Variants in TRIP12 observed in about 807,000 individuals in gnomAD.
TRIP12 encodes E3 ubiquitin-protein ligase TRIP12.
In TRIP12, 25 loss-of-function variants were observed where a neutral mutation model predicts 244.2. The ratio of observed to expected loss-of-function variants is 0.10; its 90% confidence interval spans 0.07 to 0.14. The LOEUF (loss-of-function observed/expected upper bound fraction) is 0.14. Among genes scored for constraint, TRIP12 ranks in the 10% least tolerant of loss-of-function variants. The pLI is 1.00. For synonymous variants in TRIP12, 905 were observed against 873.1 expected, an observed-to-expected ratio of 1.04 and a Z score of -0.64; for missense variants, 1,677 against 2,486.4, an observed-to-expected ratio of 0.67 and a Z score of 6.92.
At chr2:229,780,471 T>C (rs961059776) in intron 34 of TRIP12, among the ~76,000 whole-genome samples, 1 of 152,178 alleles carries the variant, frequency 6.6e-6, no homozygotes, top group Non-Finnish European at 1.5e-5. Flanking sequence ...GTTCGCGGCA[T>C]CCCTTTGCTA....
At chr2:229,772,675 G>C (rs1252758921) in intron 38 of TRIP12, among the ~76,000 whole-genome samples, 1 of 152,108 alleles carries the variant, frequency 6.6e-6, no homozygotes, top group African/African-American at 2.4e-5. Context: ...TGTTTGTCAG[G>C]CTGGTCTTGA....
At chr2:229,814,687 C>T (rs1284470247) in intron 11 of TRIP12, among the ~76,000 whole-genome samples, 2 of 152,036 alleles carry the variant, frequency 1.3e-5, no homozygotes, top group South Asian at 2.1e-4. Context: ...TTTTGTTGTG[C>T]GTTAAACAAA....
chr2:229,903,229 G>A (rs1330921840), intron 1 of TRIP12, among the ~76,000 whole-genome samples: 1 of 152,030 alleles, frequency 6.6e-6, no homozygotes, highest in Non-Finnish European at 1.5e-5. Flanking sequence ...AGAACCACTT[G>A]CTGCTTAGAA....
At chr2:229,911,065 G>A (rs538766544) in intron 1 of TRIP12, among the ~76,000 whole-genome samples, 1 of 152,298 alleles carries the variant, frequency 6.6e-6, no homozygotes, top group African/African-American at 2.4e-5. Context: ...GAAAATACAT[G>A]CTTCATATAA....
chr2:229,770,664 C>T (rs2033918562), intron 39 of TRIP12, among the ~76,000 whole-genome samples: 1 of 152,056 alleles, frequency 6.6e-6, no homozygotes, highest in East Asian at 1.9e-4. Context: ...TTGGCTGTGC[C>T]CCTACCCCAA....
intron 1 of TRIP12, among the ~76,000 whole-genome samples, chr2:229,907,909 A>T (rs531806575): frequency 6.6e-6 from 1 of 152,248 alleles, no homozygotes; most frequent in Non-Finnish European, 1.5e-5. Flanking sequence ...TTTAATCCTC[A>T]TAACAATCAG....
In TRIP12 at chr2:229,795,227, A is replaced by C. The variant is rs1217388208; in HGVS notation, c.3920T>G (p.Phe1307Cys). 7 of 1,614,064 alleles carry C rather than the reference A, an allele frequency of 4.3e-6. No individual in the cohort carries two copies. Among genetic ancestry groups the C allele is most frequent in the Non-Finnish European group, 5.9e-6 (7 of 1,179,962 alleles). ...MNNCLSQMEQ[F>C]PVKVHDFPSG... is the part of the protein sequence containing the mutation. ...AGGGAAATCATGTACTTTGACTGGA[A>C]ATTGTTCCATCTGGCTGAGGCAGTT... Residue 1307 changes from phenylalanine to cysteine, a missense_variant, in exon 26 of 42, where the codon TTT becomes TGT. Phe to Cys is a radical substitution (Grantham distance 205). Coordinates refer to ENST00000675903, the MANE Select transcript of TRIP12 (RefSeq NM_001348323.3).
At chr2:229,858,240 G>A (rs556538128) in intron 4 of TRIP12, among the ~76,000 whole-genome samples, 1 of 152,190 alleles carries the variant, frequency 6.6e-6, no homozygotes, top group South Asian at 2.1e-4. Flanking sequence ...GTGCACACTT[G>A]TAATCCCAGT....
rs189801022 is a variant in TRIP12, at chr2:229,911,763, G to C, written c.-50+10117C>G. Among the ~76,000 whole-genome samples the C allele has an allele frequency of 7.5e-4, 114 of 152,156 alleles. 1 individual carries two copies. The highest frequency in any genetic ancestry group is 2.6e-3 in the African/African-American group (107 of 41,508). On this transcript the variant is annotated intron_variant, in intron 1 of 41. Coordinates refer to ENST00000675903, the MANE Select transcript of TRIP12 (RefSeq NM_001348323.3). Reference sequence around the variant, plus strand: ...AAAGGGGTAACAACTCTACTATGCAGAGTGCAAAGCGAATATTTTATTAGA... The same window carrying C: ...AAAGGGGTAACAACTCTACTATGCACAGTGCAAAGCGAATATTTTATTAGA...
chr2:229,808,675 G>A (rs1192532440), intron 15 of TRIP12, among the ~76,000 whole-genome samples: 3 of 152,006 alleles, frequency 2.0e-5, no homozygotes, highest in Middle Eastern at 3.2e-3. Flanking sequence ...GAGAAGCATC[G>A]TACTTTGCAC....
At chr2:229,899,763 G>A (rs891796891) in intron 1 of TRIP12, among the ~76,000 whole-genome samples, 1 of 152,076 alleles carries the variant, frequency 6.6e-6, no homozygotes. Context: ...TAGAATGGGA[G>A]GCAAAAAGGG....
In TRIP12 at chr2:229,767,930, C is replaced by T. The variant is rs543800792; in HGVS notation, c.6008-180G>A. Among the ~76,000 whole-genome samples the T allele has an allele frequency of 2.7e-4, 41 of 152,300 alleles. No homozygotes were observed. The South Asian group carries it at 4.1e-3, about 15-fold the overall frequency. On this transcript the variant is annotated intron_variant, in intron 41 of 41. Transcript: ENST00000675903. ...TGCTTTAATTTATCATTTAAAAACT[C>T]GCTGTATAACATGGAGGCAACAGTT...
intron 9 of TRIP12, among the ~76,000 whole-genome samples, chr2:229,816,984 T>C (rs894660808): frequency 3.9e-5 from 6 of 152,206 alleles, no homozygotes; most frequent in Non-Finnish European, 8.8e-5. Context: ...ATGGAAATGA[T>C]AAAATTTGAT....
chr2:229,803,185 T>A (rs73099267), intron 20 of TRIP12, among the ~76,000 whole-genome samples: 5 of 152,236 alleles, frequency 3.3e-5, no homozygotes, highest in Admixed American at 3.3e-4. Flanking sequence ...CAGACTCTTA[T>A]TAAAAGACAA....
At chr2:229,920,823 G>A (rs1421413060) in intron 1 of TRIP12, among the ~76,000 whole-genome samples, 1 of 152,144 alleles carries the variant, frequency 6.6e-6, no homozygotes, top group Non-Finnish European at 1.5e-5. Flanking sequence ...AGGATTTGAG[G>A]TTTTACTACC....
Position 229,778,490 on chromosome 2 carries a change from C to G in TRIP12, c.5307G>C (p.Lys1769Asn). 1 of 1,614,058 alleles carries G rather than the reference C, an allele frequency of 6.2e-7. No homozygotes were observed. The highest frequency in any genetic ancestry group is 1.3e-5 in the African/African-American group (1 of 75,042). Residue 1769 changes from lysine (K) to asparagine (N), a missense_variant, in exon 36 of 42, where the codon AAG (lysine) becomes AAC (asparagine). This residue lies in a region of TRIP12 where 171 missense variants were observed against 388.4 expected (regional missense o/e 0.44). Transcript: ENST00000675903. This position sits in a 1 kb window ranked among gnomAD's most constrained non-coding sequence, Gnocchi z 4.1. ...TAKPAHIAKV[K>N]MKFRFLGKLM... ...ATTTTCCTAAGAAGCGAAACTTCAT[C>G]TTAACCTTTGCGATATGAGCTGGCT...
chr2:229,829,083 TG>T, intron 8 of TRIP12, 109 bp downstream of exon 8: 3 of 877,656 alleles, frequency 3.4e-6, no homozygotes, highest in Non-Finnish European at 5.2e-6. Context: ...TTTTTAAAAA[TG>T]GGTTAAAGTT....
chr2:229,823,569 G>A (rs1025444708), intron 8 of TRIP12, among the ~76,000 whole-genome samples: 6 of 151,866 alleles, frequency 4.0e-5, no homozygotes, highest in South Asian at 2.1e-4. Flanking sequence ...CCAGCTACTC[G>A]GGAGGTTGAC....
chr2:229,896,308 C>T (rs2068804508), intron 1 of TRIP12, among the ~76,000 whole-genome samples: 2 of 152,194 alleles, frequency 1.3e-5, no homozygotes, highest in African/African-American at 2.4e-5. Flanking sequence ...CTTTGTAAAA[C>T]AGGCAGGCAG....
Sources: allele counts gnomAD v4.1 joint callset (sites outside exome capture counted in the v4.1 genomes callset), GRCh38; gene constraint gnomAD v4.1.1; regional missense constraint gnomAD v4.1.1; non-coding constraint Gnocchi (gnomAD v3.1); transcripts MANE v1.5; gene names NCBI Gene and HGNC (gene_info 2026-07-23, HGNC 2026-07-21).